The following ROBO2 variants were observed in gnomAD, a reference collection of about 807,000 sequenced individuals.
ROBO2 encodes roundabout guidance receptor 2.
Under a neutral mutation model 160.8 loss-of-function variants are expected in ROBO2, and 53 were observed. The ratio of observed to expected loss-of-function variants is 0.33; its 90% CI spans 0.26 to 0.41. The LOEUF (loss-of-function observed/expected upper bound fraction) is 0.41, where lower values mean the gene tolerates loss of function less well. ROBO2 is among the 10% of genes least tolerant of loss of function. ROBO2 has a pLI of 1.00. For synonymous variants in ROBO2, 664 were observed against 611.7 expected (o/e 1.09, Z -1.26); for missense variants, 1,577 against 1,722.4 (o/e 0.92, Z 1.49).
intron 2 of ROBO2, among the ~76,000 whole-genome samples, chr3:76,459,925 C>A (rs1247806467): frequency 2.0e-5 from 3 of 151,582 alleles, no homozygotes; most frequent in Admixed American, 6.6e-5. Flanking sequence ...ACAAATGAAC[C>A]AACAAAAACC....
intron 2 of ROBO2, among the ~76,000 whole-genome samples, chr3:76,830,932 C>T (rs748863228): frequency 4.6e-5 from 7 of 151,830 alleles, no homozygotes; most frequent in Non-Finnish European, 2.9e-5. Context: ...TAGGCTCTAA[C>T]GAGCTATGAT....
At chr3:76,213,235 C>T (rs1383769030) in intron 2 of ROBO2, among the ~76,000 whole-genome samples, 1 of 152,000 alleles carries the variant, frequency 6.6e-6, no homozygotes, top group African/African-American at 2.4e-5. Flanking sequence ...TACTCGCTTT[C>T]AGACAAATTA....
intron 2 of ROBO2, among the ~76,000 whole-genome samples, chr3:75,939,720 A>G (rs1947956533): frequency 1.3e-5 from 2 of 152,296 alleles, no homozygotes; most frequent in Non-Finnish European, 2.9e-5. Context: ...GCTGCATATC[A>G]TCATTTAGAT....
chr3:77,472,306 T>C (rs1234859259), intron 2 of ROBO2, among the ~76,000 whole-genome samples: 1 of 152,194 alleles, frequency 6.6e-6, no homozygotes, highest in Non-Finnish European at 1.5e-5. Flanking sequence ...AACAAGGGTC[T>C]ATCACAGGCA....
At chr3:76,189,472 T>G (rs1277043808) in intron 2 of ROBO2, among the ~76,000 whole-genome samples, 1 of 152,104 alleles carries the variant, frequency 6.6e-6, no homozygotes, top group African/African-American at 2.4e-5. Context: ...GCTTCTATTT[T>G]GCTTTTTGTT....
rs566860344 is a variant in ROBO2, at chr3:77,626,356, G to A, written c.3760+3924G>A. On this transcript the variant is annotated intron_variant, in intron 23 of 25. Transcript: ENST00000461745. ...TGACCCATGCTAACAAAATTCAACTGTATCAGCACTTTTTGCAATGAACCT... is the reference window on the plus strand; with the variant it reads ...TGACCCATGCTAACAAAATTCAACTATATCAGCACTTTTTGCAATGAACCT... Among the ~76,000 whole-genome samples, 11 of 152,196 alleles carry A rather than the reference G, an allele frequency of 7.2e-5. 1 individual carries two copies. The South Asian group carries it at 1.0e-3, about 14-fold the overall frequency.
intron 2 of ROBO2, among the ~76,000 whole-genome samples, chr3:76,694,666 C>G (rs1031063354): frequency 6.6e-6 from 1 of 151,914 alleles, no homozygotes; most frequent in Non-Finnish European, 1.5e-5. Context: ...TTGAAATGTA[C>G]TTTTATCAAC....
chr3:76,110,583 A>T (rs2070183495), intron 2 of ROBO2, among the ~76,000 whole-genome samples: 1 of 152,098 alleles, frequency 6.6e-6, no homozygotes, highest in Non-Finnish European at 1.5e-5. Flanking sequence ...AACATTTATA[A>T]AATAAATGTT....
At chr3:76,179,938 A>C (rs527311355) in intron 2 of ROBO2, among the ~76,000 whole-genome samples, 1 of 152,120 alleles carries the variant, frequency 6.6e-6, no homozygotes, top group Admixed American at 6.6e-5. Flanking sequence ...TTTGTTTACA[A>C]CTATAGAACC....
At chr3:76,686,982 G>A (rs2092699356) in intron 2 of ROBO2, among the ~76,000 whole-genome samples, 1 of 151,914 alleles carries the variant, frequency 6.6e-6, no homozygotes, top group Admixed American at 6.6e-5. Flanking sequence ...TTTAATATGT[G>A]TTAAATGTGT....
chr3:77,125,887 C>T (rs1429971346), intron 2 of ROBO2, among the ~76,000 whole-genome samples: 2 of 152,048 alleles, frequency 1.3e-5, no homozygotes, highest in Non-Finnish European at 2.9e-5. Context: ...GTTTAGTTCA[C>T]TTCTACTTCT....
rs1482390205 is a variant in ROBO2 at position 77,565,204 on chromosome 3, C to T, written c.1849+84C>T. The T allele has an allele frequency of 2.1e-6, 3 of 1,414,396 alleles. No homozygotes were observed. In the African/African-American group the frequency reaches 4.2e-5, roughly 20 times the overall value. 87.6% of individuals were successfully genotyped at this position (1,414,396 alleles called of 1,614,324 possible). On this transcript the variant is annotated intron_variant, in intron 12 of 25. Coordinates refer to ENST00000461745, the Ensembl canonical transcript of ROBO2. ...ACGAGGGGCTTGATGAGGAAATATA[C>T]ATGTGCCTGCATTGCTTTGTATGAT...
intron 2 of ROBO2, among the ~76,000 whole-genome samples, chr3:76,751,026 C>T (rs1403265499): frequency 1.2e-4 from 19 of 152,144 alleles, no homozygotes; most frequent in African/African-American, 2.6e-4. Flanking sequence ...GGAGGCATCA[C>T]GCTACCTGAC....
intron 2 of ROBO2, among the ~76,000 whole-genome samples, chr3:76,030,858 T>G (rs988941630): frequency 1.3e-5 from 2 of 152,202 alleles, no homozygotes; most frequent in African/African-American, 4.8e-5. Flanking sequence ...AGGCTCTTTT[T>G]TGGTTCCATA....
chr3:76,531,246 A>G (rs1051515335), intron 2 of ROBO2, among the ~76,000 whole-genome samples: 3 of 151,074 alleles, frequency 2.0e-5, no homozygotes, highest in African/African-American at 7.3e-5. Flanking sequence ...TATTTTCACC[A>G]TTAATTCATT....
chr3:77,470,108 A>G (rs1356670241), intron 2 of ROBO2, among the ~76,000 whole-genome samples: 4 of 152,214 alleles, frequency 2.6e-5, no homozygotes, highest in Non-Finnish European at 5.9e-5. Context: ...GTGTTCCTTC[A>G]TATCCCTAGG....
chr3:77,481,603 G>C (rs9874199), intron 4 of ROBO2, among the ~76,000 whole-genome samples: 1,939 of 152,164 alleles, frequency 0.013, 28 homozygotes, highest in African/African-American at 0.04. Flanking sequence ...AGAGAGTATA[G>C]TATAAAAAAA....
At chr3:76,981,948 C>T (rs1449866312) in intron 2 of ROBO2, among the ~76,000 whole-genome samples, 2 of 152,110 alleles carry the variant, frequency 1.3e-5, no homozygotes, top group Non-Finnish European at 2.9e-5. Context: ...GAGGGATGCA[C>T]CCCCATCATT....
intron 1 of ROBO2, among the ~76,000 whole-genome samples, chr3:77,080,477 T>G (rs1395862885): frequency 6.6e-6 from 1 of 152,206 alleles, no homozygotes; most frequent in Non-Finnish European, 1.5e-5. Context: ...GAGAAGCAGA[T>G]GCTCCAATGA....
Sources: allele counts gnomAD v4.1 joint callset (sites outside exome capture counted in the v4.1 genomes callset), GRCh38; gene constraint gnomAD v4.1.1; transcripts MANE v1.5; gene names NCBI Gene and HGNC (gene_info 2026-07-23, HGNC 2026-07-21).